Variants in FADS2 observed in about 807,000 individuals in gnomAD.
FADS2 encodes the protein acyl-CoA 6-desaturase.
FADS2 carries 18 observed loss-of-function variants against 61.2 expected under a neutral mutation model. The observed-to-expected ratio is 0.29, with a 90% confidence interval of 0.20 to 0.44. FADS2 has a LOEUF of 0.44. Ranked by LOEUF, FADS2 falls within the 20% of genes least tolerant of loss-of-function variation. FADS2 has a pLI of 1.00. For missense variants in FADS2, 322 were observed against 572.7 expected (o/e 0.56, Z 4.47); for synonymous variants, 203 against 223.9 (o/e 0.91, Z 0.83).
At chr11:61,862,857 G>T in intron 7 of FADS2, 115 bp from the exon 8 acceptor site, 3 of 796,796 alleles carry the variant, frequency 3.8e-6, no homozygotes, top group South Asian at 1.5e-5. Flanking sequence ...ATTTCAGTGG[G>T]CTGCGGTCCA....
intron 1 of FADS2, among the ~76,000 whole-genome samples, chr11:61,830,534 C>T (rs2067120068): frequency 6.6e-6 from 1 of 152,224 alleles, no homozygotes; most frequent in East Asian, 1.9e-4. Context: ...TTCTCTGTCT[C>T]ATAAAAATGT....
chr11:61,832,495 A>T (rs1275880818), intron 1 of FADS2, among the ~76,000 whole-genome samples: 7 of 152,186 alleles, frequency 4.6e-5, no homozygotes, highest in Non-Finnish European at 5.9e-5. Flanking sequence ...CAATTTCTTC[A>T]TGCCCAGGTT....
In FADS2 at chr11:61,863,395, C is replaced by G; in HGVS notation, c.1077+17C>G. 6.4e-7 allele frequency: 1 copy of G among 1,563,464 alleles called. No homozygotes were observed. The highest frequency in any genetic ancestry group is 8.8e-7 in the Non-Finnish European group (1 of 1,133,952). ...AGTAGCCAGGTAGGGAAGTCAGGGC[C>G]GGTCACCAGAGCCTGGTCCCAATGT... On this transcript the variant is annotated intron_variant, in intron 9 of 11. Transcript: ENST00000278840.
chr11:61,829,073 A>G (rs985096439), intron 1 of FADS2: 1 of 155,750 alleles, frequency 6.4e-6, no homozygotes, highest in Non-Finnish European at 1.4e-5. Context: ...GGTGGCGAGA[A>G]GGAAAGCTCG....
intron 4 of FADS2, among the ~76,000 whole-genome samples, chr11:61,845,088 C>G (rs11601892): frequency 0.026 from 3,353 of 128,622 alleles, 79 homozygotes; most frequent in Non-Finnish European, 0.037. Flanking sequence ...TGGCGCCACC[C>G]AGCACTGCTG....
rs200281829 is a variant in FADS2 at position 61,854,009 on chromosome 11, AG to A, written c.745-2999del. Reference sequence around the variant, plus strand: ...GGACAGGAGAGTCAGCCCCGCCGCCAGGGCTGGCTGCACTCCCTCCCTTGCC... The same window carrying A: ...GGACAGGAGAGTCAGCCCCGCCGCCAGGCTGGCTGCACTCCCTCCCTTGCC... On this transcript the variant is annotated intron_variant, in intron 5 of 11. Transcript: ENST00000278840. Among the ~76,000 whole-genome samples, 800 of 152,308 alleles carry A rather than the reference AG, an allele frequency of 5.3e-3. 5 individuals are homozygous for A. Among genetic ancestry groups the A allele is most frequent in the Middle Eastern group, 0.02 (6 of 294 alleles).
intron 7 of FADS2, among the ~76,000 whole-genome samples, chr11:61,858,327 G>A (rs527765208): frequency 1.1e-4 from 16 of 151,750 alleles, no homozygotes; most frequent in Admixed American, 2.0e-4. Flanking sequence ...TACAGGCACC[G>A]GCCACCATGC....
intron 4 of FADS2, among the ~76,000 whole-genome samples, chr11:61,845,558 G>T (rs1018304807): frequency 1.3e-5 from 2 of 152,064 alleles, no homozygotes; most frequent in Non-Finnish European, 2.9e-5. Context: ...TTTGGGAGGC[G>T]GAGGTGGGCG....
At chr11:61,846,693 C>G (rs2067262956) in intron 4 of FADS2, 1 of 152,114 alleles carries the variant, frequency 6.6e-6, no homozygotes, top group Admixed American at 6.6e-5. Flanking sequence ...TTTCATCTGT[C>G]GCTGGGCAAC....
chr11:61,835,704 TA>T (rs1484450009), intron 1 of FADS2, among the ~76,000 whole-genome samples: 1 of 152,062 alleles, frequency 6.6e-6, no homozygotes, highest in Non-Finnish European at 1.5e-5. Flanking sequence ...CTCTTCTTTT[TA>T]ATTTTGAAAT....
intron 4 of FADS2, chr11:61,846,728 G>A (rs981971500): frequency 4.6e-5 from 7 of 152,156 alleles, no homozygotes; most frequent in African/African-American, 1.7e-4. Flanking sequence ...ACTCTGAGCT[G>A]AGGAGACGGA....
chr11:61,825,913 G>A (rs2067081177), upstream of FADS2: 4 of 601,028 alleles, frequency 6.7e-6, no homozygotes, highest in South Asian at 6.0e-5. Flanking sequence ...TAGAGGGCAG[G>A]GAGGCACATG....
chr11:61,824,427 AGAGAGAGGGAGGGAGGGAGGGAGGGAGG>A (rs1565325138), upstream of FADS2, among the ~76,000 whole-genome samples: 18 of 8,466 alleles, frequency 2.1e-3, 1 homozygote, highest in Admixed American at 4.7e-3. Context: ...AGAGAGAGAG[AGAGAGAGGGAGGGAGGGAGGGAGGGAGG>A]GAGGGAGAGA....
intron 1 of FADS2, among the ~76,000 whole-genome samples, chr11:61,819,638 T>C (rs1314124590): frequency 2.6e-5 from 4 of 152,198 alleles, no homozygotes; most frequent in Non-Finnish European, 5.9e-5. Context: ...TAAATGCCCA[T>C]CAGTGAAATA....
At chr11:61,854,933 C>G (rs1156636428) in intron 5 of FADS2, 2 of 152,298 alleles carry the variant, frequency 1.3e-5, no homozygotes, top group Non-Finnish European at 2.9e-5. Context: ...GACCCCCTGG[C>G]TCCCGAGGGT....
chr11:61,823,119 G>A (rs559308676), intron 1 of FADS2, among the ~76,000 whole-genome samples: 14 of 152,270 alleles, frequency 9.2e-5, no homozygotes, highest in Non-Finnish European at 2.1e-4. Flanking sequence ...ACAGCTCCTT[G>A]ACCAAGTACC....
At chr11:61,830,097 C>A (rs946738229) in intron 1 of FADS2, among the ~76,000 whole-genome samples, 1 of 152,216 alleles carries the variant, frequency 6.6e-6, no homozygotes, top group African/African-American at 2.4e-5. Flanking sequence ...TCACCTGGAC[C>A]TTTACGCGGC....
intron 4 of FADS2, among the ~76,000 whole-genome samples, chr11:61,844,639 A>C (rs537591671): frequency 6.7e-6 from 1 of 150,120 alleles, no homozygotes; most frequent in Non-Finnish European, 1.5e-5. Flanking sequence ...TTGAAAATGA[A>C]ATGAGGCCAG....
intron 1 of FADS2, among the ~76,000 whole-genome samples, chr11:61,823,109 A>C (rs1235357723): frequency 2.0e-5 from 3 of 152,210 alleles, no homozygotes; most frequent in Non-Finnish European, 2.9e-5. Flanking sequence ...ATGGTGTCCT[A>C]CAGCTCCTTG....
Sources: allele counts gnomAD v4.1 joint callset (sites outside exome capture counted in the v4.1 genomes callset), GRCh38; gene constraint gnomAD v4.1.1; transcripts MANE v1.5; gene names NCBI Gene and HGNC (gene_info 2026-07-23, HGNC 2026-07-21).